NBEAL1: variants seen among roughly 807,000 people sequenced by gnomAD.
NBEAL1 encodes neurobeachin-like protein 1.
Under a neutral mutation model 351.3 loss-of-function variants are expected in NBEAL1, and 273 were observed. That is an observed-to-expected ratio of 0.78 (90% confidence interval 0.70 to 0.86). NBEAL1 has a LOEUF of 0.86. Ranked by LOEUF, NBEAL1 falls within the 40% of genes least tolerant of loss-of-function variation. The pLI, the probability that NBEAL1 is intolerant of heterozygous loss-of-function variation, is 0.00. For synonymous variants in NBEAL1, 1,050 were observed against 1,086.4 expected, an observed-to-expected ratio of 0.97 and a Z score of 0.66; for missense variants, 2,961 against 3,201.3, an observed-to-expected ratio of 0.92 and a Z score of 1.81.
intron 10 of NBEAL1, among the ~76,000 whole-genome samples, chr2:203,091,967 A>G (rs1203863782): frequency 6.6e-6 from 1 of 152,224 alleles, no homozygotes; most frequent in African/African-American, 2.4e-5. Context: ...TGTCTATATA[A>G]TATTGTATTA....
intron 51 of NBEAL1, among the ~76,000 whole-genome samples, chr2:203,203,180 TTTTC>T (rs2065449198): frequency 6.6e-6 from 1 of 152,064 alleles, no homozygotes; most frequent in Non-Finnish European, 1.5e-5. Flanking sequence ...TTCTGTTTTC[TTTTC>T]TTTTTTTTTT....
In NBEAL1 at chr2:203,113,091, C is replaced by A; in HGVS notation, c.2279C>A (p.Pro760His). The A allele has an allele frequency of 6.4e-7, 1 of 1,550,766 alleles. No homozygotes were observed. Residue 760 changes from proline to histidine, a missense_variant, in exon 17 of 56, where the codon CCT (proline) becomes CAT (histidine). Pro to His is a moderately conservative substitution (Grantham distance 77). Transcript: ENST00000683969. ...TPPPSQIPDPPFSSPITPHRT... is the reference protein window; with the variant it reads ...TPPPSQIPDPHFSSPITPHRT... ...CCACCATCCCAAATCCCAGATCCAC[C>A]TTTCTCTTCTCCCATTACCCCTCAT... is the stretch of plus-strand genomic sequence containing the variant.
chr2:203,068,606 G>A, intron 7 of NBEAL1, 131 bp downstream of exon 7: 1 of 476,814 alleles, frequency 2.1e-6, no homozygotes, highest in Non-Finnish European at 3.6e-6. Context: ...ACATGTCACT[G>A]GAGTAAGCTA....
At chr2:203,170,642 C>A (rs1015734682) in intron 39 of NBEAL1, among the ~76,000 whole-genome samples, 1 of 152,180 alleles carries the variant, frequency 6.6e-6, no homozygotes, top group African/African-American at 2.4e-5. Flanking sequence ...TGGCTGTCTC[C>A]TTCCTCCCAC....
chr2:203,199,376 A>ATGGT lies in NBEAL1; in HGVS notation c.7170_7173dup (p.Pro2392ValfsTer4). 1 of 1,606,840 alleles carries ATGGT rather than the reference A, an allele frequency of 6.2e-7. No individual in the cohort carries two copies. The highest frequency in any genetic ancestry group is 2.2e-5 in the East Asian group (1 of 44,780). ...TGAATTATGTTATTGGAACCCATGGATGGTTGCCTTATGACAGAAACATTT... is the reference window on the plus strand; with the variant it reads ...TGAATTATGTTATTGGAACCCATGGATGGTTGGTTGCCTTATGACAGAAACATTT... On this transcript the variant is annotated frameshift_variant, in exon 49 of 56. Transcript: ENST00000683969. LOFTEE classifies it high-confidence loss of function.
chr2:203,170,747 C>T (rs1013535433), intron 39 of NBEAL1, among the ~76,000 whole-genome samples: 2 of 152,124 alleles, frequency 1.3e-5, no homozygotes, highest in East Asian at 1.9e-4. Context: ...TAATAAAGTA[C>T]GTTTCCTGTT....
chr2:203,167,255 T>C lies in NBEAL1; in HGVS notation c.5892T>C (p.His1964=). ...TAGGCTTTGATTTCAAGTGGCCTCA[T>C]TCTCAAATTCGAGAGATTCATCTCC... ...DGVGFDFKWP[H]SQIREIHLRR... is the part of the protein sequence containing the mutation. Residue 1964 remains histidine, a synonymous_variant, in exon 38 of 56, where the codon CAT becomes CAC. Transcript: ENST00000683969. 6.2e-7 allele frequency: 1 copy of C among 1,611,606 alleles called. No homozygotes were observed. The highest frequency in any genetic ancestry group is 8.5e-7 in the Non-Finnish European group (1 of 1,179,052).
chr2:203,193,035 G>T (rs185160668), intron 46 of NBEAL1, among the ~76,000 whole-genome samples: 5 of 130,790 alleles, frequency 3.8e-5, no homozygotes, highest in African/African-American at 1.2e-4. Flanking sequence ...GCAGTGGCAC[G>T]ATCTTGGCTC....
intron 53 of NBEAL1, 97 bp downstream of exon 53, chr2:203,209,419 A>G (rs1338024809): frequency 2.2e-6 from 2 of 910,718 alleles, no homozygotes; most frequent in South Asian, 2.2e-5. Flanking sequence ...AAAGAACACC[A>G]TATTTTAAAG....
chr2:203,077,928 A>T, intron 8 of NBEAL1, 91 bp downstream of exon 8: 3 of 611,018 alleles, frequency 4.9e-6, no homozygotes, highest in Non-Finnish European at 7.6e-6. Flanking sequence ...GTCTTTTTAT[A>T]ATTTCATTCA....
At position 203,016,485 on chromosome 2, in the gene NBEAL1, A is replaced by C. The variant is rs990771197; in HGVS notation, c.51+50A>C. 5.8e-6 allele frequency: 7 copies of C among 1,212,290 alleles called. No homozygotes were observed. The African/African-American group carries it at 9.1e-5, about 16-fold the overall frequency. 75.1% of individuals were successfully genotyped at this position (1,212,290 alleles called of 1,614,324 possible). A position where few individuals can be genotyped will look rare whatever the true frequency, so the allele number is the denominator to read the frequency against. On this transcript the variant is annotated intron_variant, in intron 2 of 55. Coordinates refer to ENST00000683969, the MANE Select transcript of NBEAL1 (RefSeq NM_001378026.1). ...ATGTTTTAAAATACTTTATTATAAA[A>C]TTTGTGACTGGCAGTAGTAACACTT...
At chr2:203,083,613 G>T in intron 9 of NBEAL1, 88 bp downstream of exon 9, 2 of 1,009,556 alleles carry the variant, frequency 2.0e-6, no homozygotes, top group Non-Finnish European at 1.4e-6. Context: ...GCCATTGTAT[G>T]GAAAGTATTG....
At chr2:203,083,976 C>CTGTGTGTGTGTGTGTGTG (rs59252809) in intron 9 of NBEAL1, among the ~76,000 whole-genome samples, 8 of 134,106 alleles carry the variant, frequency 6.0e-5, no homozygotes, top group African/African-American at 1.7e-4. Flanking sequence ...TCCTCAGAGC[C>CTGTGTGTGTGTGTGTGTG]TGTGTGTGTG....
intron 2 of NBEAL1, among the ~76,000 whole-genome samples, 171 bp downstream of exon 2, chr2:203,016,606 C>G (rs2060684772): frequency 6.6e-6 from 1 of 152,296 alleles, no homozygotes; most frequent in South Asian, 2.1e-4. Flanking sequence ...CAGGTTTGAA[C>G]ACACATACAA....
At chr2:203,135,294 CTG>C (rs907333436) in intron 27 of NBEAL1, among the ~76,000 whole-genome samples, 22 of 152,106 alleles carry the variant, frequency 1.4e-4, no homozygotes, top group African/African-American at 5.1e-4. Flanking sequence ...GTGCCTAAAA[CTG>C]TGCCTAGCAC....
chr2:203,195,986 G>C (rs1462606461), intron 47 of NBEAL1, among the ~76,000 whole-genome samples: 1 of 152,174 alleles, frequency 6.6e-6, no homozygotes, highest in African/African-American at 2.4e-5. Context: ...CTGTTCGCCA[G>C]CCAAGTCCCA....
chr2:203,167,473 G>C, intron 38 of NBEAL1, 113 bp downstream of exon 38: 1 of 1,076,296 alleles, frequency 9.3e-7, no homozygotes, highest in South Asian at 2.2e-5. Flanking sequence ...AAATGTTAGA[G>C]GAAAAAATAC....
At chr2:203,100,146 G>C (rs1008191464) in intron 12 of NBEAL1, among the ~76,000 whole-genome samples, 10 of 152,100 alleles carry the variant, frequency 6.6e-5, no homozygotes, top group African/African-American at 1.9e-4. Context: ...TCTTTATCCA[G>C]TCTACAATTG....
chr2:203,110,390 G>T, intron 15 of NBEAL1, 108 bp downstream of exon 15: 1 of 1,239,016 alleles, frequency 8.1e-7, no homozygotes. Context: ...TTTAAATGAG[G>T]CTGGGCGCAG....
Sources: allele counts gnomAD v4.1 joint callset (sites outside exome capture counted in the v4.1 genomes callset), GRCh38; gene constraint gnomAD v4.1.1; transcripts MANE v1.5; gene names NCBI Gene and HGNC (gene_info 2026-07-23, HGNC 2026-07-21).